Variants in FOXP1 observed in about 807,000 individuals in gnomAD.
The protein encoded by FOXP1 is forkhead box protein P1.
A neutral mutation model predicts 98.2 loss-of-function variants in FOXP1; 15 were observed. The ratio of observed to expected loss-of-function variants is 0.15; its 90% confidence interval spans 0.10 to 0.24. The LOEUF is 0.24. Ranked by LOEUF, FOXP1 falls within the 10% of genes least tolerant of loss-of-function variation. FOXP1 has a pLI of 1.00. For missense variants in FOXP1, 633 were observed against 848.5 expected, an observed-to-expected ratio of 0.75 and a Z score of 3.15; for synonymous variants, 371 against 314.5, an observed-to-expected ratio of 1.18 and a Z score of -1.90.
chr3:71,354,968 G>C (rs2078052253), intron 4 of FOXP1, among the ~76,000 whole-genome samples: 3 of 152,164 alleles, frequency 2.0e-5, no homozygotes, highest in Admixed American at 6.5e-5. Flanking sequence ...TAATCAATTT[G>C]TACCACCCAC....
intron 5 of FOXP1, among the ~76,000 whole-genome samples, chr3:71,281,278 G>C (rs947098567): frequency 5.9e-5 from 9 of 151,990 alleles, no homozygotes; most frequent in African/African-American, 2.2e-4. Flanking sequence ...AGATTCTGGA[G>C]TTTTCCGAGA....
chr3:71,434,609 G>A (rs1271789331), intron 3 of FOXP1, among the ~76,000 whole-genome samples: 4 of 151,010 alleles, frequency 2.6e-5, no homozygotes, highest in Non-Finnish European at 4.4e-5. Context: ...AGGTGGACAC[G>A]GTGACCCTCA....
intron 2 of FOXP1, among the ~76,000 whole-genome samples, chr3:71,537,196 A>G (rs1468400706): frequency 5.9e-5 from 9 of 152,242 alleles, no homozygotes; most frequent in African/African-American, 2.2e-4. Flanking sequence ...TGCACAGCCA[A>G]TCTGCCTCCC....
chr3:71,147,363 T>C (rs1452546908), intron 6 of FOXP1, among the ~76,000 whole-genome samples: 2 of 152,162 alleles, frequency 1.3e-5, no homozygotes, highest in African/African-American at 4.8e-5. Context: ...CTTCATCTCA[T>C]ATCACCTTTA....
chr3:71,019,707 T>C (rs901457050), intron 11 of FOXP1, among the ~76,000 whole-genome samples: 5 of 152,190 alleles, frequency 3.3e-5, no homozygotes, highest in African/African-American at 1.2e-4. Flanking sequence ...GGTGGGCACC[T>C]ATAATCCCAG....
intron 11 of FOXP1, among the ~76,000 whole-genome samples, chr3:71,024,912 A>G (rs1269923127): frequency 3.3e-5 from 5 of 152,138 alleles, no homozygotes; most frequent in African/African-American, 1.2e-4. Context: ...GGGAGAAATA[A>G]GAGAGTTATT....
At chr3:71,493,924 G>T (rs1384760584) in intron 2 of FOXP1, among the ~76,000 whole-genome samples, 1 of 151,866 alleles carries the variant, frequency 6.6e-6, no homozygotes, top group Non-Finnish European at 1.5e-5. Flanking sequence ...ATTAAGTTAT[G>T]ATCTTTTTCG....
chr3:71,028,637 G>A (rs538041962), intron 11 of FOXP1, among the ~76,000 whole-genome samples: 2 of 152,318 alleles, frequency 1.3e-5, no homozygotes, highest in South Asian at 4.1e-4. Context: ...AATTTTTCCA[G>A]GAACTGGGGG....
At chr3:71,454,109 A>T (rs1247176043) in intron 3 of FOXP1, among the ~76,000 whole-genome samples, 1 of 152,292 alleles carries the variant, frequency 6.6e-6, no homozygotes, top group East Asian at 1.9e-4. Flanking sequence ...CCCCTTTGTA[A>T]GATGTCCCTT....
chr3:71,554,696 T>C (rs1312789953), intron 2 of FOXP1, among the ~76,000 whole-genome samples: 1 of 152,220 alleles, frequency 6.6e-6, no homozygotes, highest in Non-Finnish European at 1.5e-5. Flanking sequence ...TGAATGTGTT[T>C]TAAAAATGTT....
chr3:71,328,828 C>T (rs774944116), intron 4 of FOXP1, among the ~76,000 whole-genome samples: 10 of 151,884 alleles, frequency 6.6e-5, no homozygotes, highest in East Asian at 2.0e-4. Flanking sequence ...CAAAATTAGC[C>T]GACGTGGTGG....
chr3:71,109,752 CTGTT>C (rs980187548), intron 7 of FOXP1, among the ~76,000 whole-genome samples: 1 of 152,170 alleles, frequency 6.6e-6, no homozygotes, highest in East Asian at 1.9e-4. Context: ...AATTTCTCCT[CTGTT>C]TGTGGAAGGC....
At chr3:71,052,430 G>A (rs1034208919) in intron 9 of FOXP1, 107 bp downstream of exon 9, 1 of 786,116 alleles carries the variant, frequency 1.3e-6, no homozygotes, top group Non-Finnish European at 2.3e-6. Context: ...AGAACCGATA[G>A]AGTCAGCTCA....
chr3:71,263,823 C>T (rs1324305002), intron 5 of FOXP1, among the ~76,000 whole-genome samples: 2 of 151,956 alleles, frequency 1.3e-5, no homozygotes, highest in Non-Finnish European at 2.9e-5. Context: ...CGGCTCACTA[C>T]AGCCTCGACT....
At chr3:71,556,569 T>A (rs1486569636) in intron 2 of FOXP1, among the ~76,000 whole-genome samples, 7 of 96,250 alleles carry the variant, frequency 7.3e-5, no homozygotes, top group Admixed American at 3.3e-4. Flanking sequence ...AGAGCGAGAC[T>A]CCGTCTCAAA....
intron 11 of FOXP1, among the ~76,000 whole-genome samples, chr3:71,023,132 G>A (rs532725444): frequency 3.9e-5 from 6 of 152,014 alleles, no homozygotes; most frequent in African/African-American, 9.7e-5. Context: ...ACTTTCATCC[G>A]TCCAGCCAAC....
chr3:71,112,375 A>C (rs181192411), intron 7 of FOXP1, among the ~76,000 whole-genome samples, 161 bp downstream of exon 7: 63 of 152,142 alleles, frequency 4.1e-4, no homozygotes, highest in Non-Finnish European at 7.4e-4. Context: ...TCAAATACAC[A>C]TTTTCCCCAA....
intron 20 of FOXP1, among the ~76,000 whole-genome samples, chr3:70,963,942 G>T (rs1029226923): frequency 1.1e-4 from 17 of 152,152 alleles, no homozygotes; most frequent in African/African-American, 4.1e-4. Context: ...AAGCCGTGCC[G>T]TAAAGTTTAT....
chr3:71,581,648 C>CCGCTCGCT lies in FOXP1; in HGVS notation c.-405_-398dup. 4 of 985,894 alleles carry CCGCTCGCT rather than the reference C, an allele frequency of 4.1e-6. No homozygotes were observed. Among genetic ancestry groups the CCGCTCGCT allele is most frequent in the Non-Finnish European group, 4.8e-6 (4 of 830,116 alleles). The allele number at this position is 985,894 out of a possible 1,614,324, so 61.1% of individuals were successfully genotyped here. The stretch of plus-strand genomic sequence containing the variant: ...CGGCGCCGCTGCCGCTGCCCCCGGC[C>CCGCTCGCT]CGCTCGCTCGCTCGCCGCGCGCTCT... On this transcript the variant is annotated 5_prime_UTR_variant, in exon 2 of 21. Coordinates refer to ENST00000649528, the MANE Select transcript of FOXP1 (RefSeq NM_001349338.3).
Sources: gnomAD v4.1 joint callset for allele counts (sites outside exome capture counted in the v4.1 genomes callset) on GRCh38, gnomAD v4.1.1 for gene constraint, MANE v1.5 for transcripts, NCBI Gene and HGNC (gene_info 2026-07-23, HGNC 2026-07-21) for gene names.